GPHN: variants seen among roughly 807,000 people sequenced by gnomAD.
GPHN encodes the protein gephyrin.
Under a neutral mutation model 95.5 loss-of-function variants are expected in GPHN, and 17 were observed. That is an observed-to-expected ratio of 0.18 (90% CI 0.12 to 0.27). The LOEUF is 0.27. Among genes scored for constraint, GPHN ranks in the 10% least tolerant of loss-of-function variants. GPHN has a pLI of 1.00. For missense variants in GPHN, 660 were observed against 978.1 expected (o/e 0.67, Z 4.34); for synonymous variants, 320 against 322.5 (o/e 0.99, Z 0.08).
At chr14:66,854,439 TG>T (rs1374933963) in intron 4 of GPHN, among the ~76,000 whole-genome samples, 1 of 152,148 alleles carries the variant, frequency 6.6e-6, no homozygotes, top group South Asian at 2.1e-4. Flanking sequence ...GATCCATAAA[TG>T]GGGGGATTAT....
chr14:67,585,766 C>G, the GPHN span: 14 of 980,082 alleles, frequency 1.4e-5, no homozygotes, highest in Admixed American at 4.7e-5. Context: ...GCCCTACCCC[C>G]ACTCCTGCCC....
At chr14:66,704,460 T>G (rs1404885496) in intron 2 of GPHN, among the ~76,000 whole-genome samples, 1 of 151,446 alleles carries the variant, frequency 6.6e-6, no homozygotes, top group Non-Finnish European at 1.5e-5. Context: ...ATCATAACAG[T>G]CTCTCACACC....
At chr14:66,850,985 T>C (rs1001890275) in intron 4 of GPHN, among the ~76,000 whole-genome samples, 26 of 152,204 alleles carry the variant, frequency 1.7e-4, no homozygotes, top group African/African-American at 6.3e-4. Flanking sequence ...TAAGAATATA[T>C]AATTATTGTG....
chr14:67,134,953 C>CTTTTTTTTTTTTTTTTTTTTTTTT (rs57933607), intron 17 of GPHN, among the ~76,000 whole-genome samples: 2 of 45,252 alleles, frequency 4.4e-5, no homozygotes, highest in Non-Finnish European at 8.4e-5. Flanking sequence ...TTTCTTTCTT[C>CTTTTTTTTTTTTTTTTTTTTTTTT]TTTTTTTTTT....
At chr14:66,573,463 T>C (rs1329042705) in intron 1 of GPHN, among the ~76,000 whole-genome samples, 3 of 151,454 alleles carry the variant, frequency 2.0e-5, no homozygotes, top group South Asian at 2.1e-4. Flanking sequence ...TTTTTTTTTT[T>C]TTTTTCTGAG....
chr14:66,835,993 A>G (rs1237205865), intron 4 of GPHN, among the ~76,000 whole-genome samples: 3 of 139,904 alleles, frequency 2.1e-5, no homozygotes, highest in Non-Finnish European at 4.5e-5. Context: ...GGAAGAATCA[A>G]TATCGTGAAA....
At chr14:67,261,496 A>G in the GPHN span, among the ~76,000 whole-genome samples, 1 of 152,202 alleles carries the variant, frequency 6.6e-6, no homozygotes, top group Non-Finnish European at 1.5e-5. Context: ...GAGGATAGCT[A>G]ATTTGTATAA....
At chr14:67,382,768 A>G in the GPHN span, 1 of 626,956 alleles carries the variant, frequency 1.6e-6, no homozygotes, top group African/African-American at 1.8e-5. Context: ...GGGAATAAAC[A>G]ATATAAATGA....
At chr14:67,115,162 C>T (rs1004183265) in intron 16 of GPHN, among the ~76,000 whole-genome samples, 7 of 151,964 alleles carry the variant, frequency 4.6e-5, no homozygotes, top group African/African-American at 1.5e-4. Context: ...TTTATTATGA[C>T]TCTATGATCA....
chr14:66,937,620 C>T (rs975127467), intron 8 of GPHN, among the ~76,000 whole-genome samples: 8 of 151,854 alleles, frequency 5.3e-5, no homozygotes, highest in East Asian at 1.9e-4. Context: ...CCTTGTGATC[C>T]GGCTGCTTCG....
At chr14:67,632,769 C>G in the GPHN span, among the ~76,000 whole-genome samples, 1 of 129,806 alleles carries the variant, frequency 7.7e-6, no homozygotes, top group Non-Finnish European at 1.6e-5. Flanking sequence ...GAAGGGAGGT[C>G]TCTTTCTTTA....
chr14:67,123,128 G>A lies in GPHN; in HGVS notation c.1748+751G>A, dbSNP rs559465323. On this transcript the variant is annotated intron_variant, in intron 17 of 22. Transcript: ENST00000478722. ...AATACTCAAATATCAACCCAATGGA[G>A]ACAAGGCTCAGAGACAGATCTGAGT... Among the ~76,000 whole-genome samples, 5 of 152,266 alleles carry A rather than the reference G, an allele frequency of 3.3e-5. No individual in the cohort carries two copies. The South Asian group carries it at 1.0e-3, about 32-fold the overall frequency.
chr14:67,680,619 T>C, the GPHN span, among the ~76,000 whole-genome samples: 3 of 152,092 alleles, frequency 2.0e-5, no homozygotes, highest in Non-Finnish European at 4.4e-5. Flanking sequence ...CCACCACGCC[T>C]GGCTAATTTT....
At chr14:67,390,580 A>G in the GPHN span, 16 of 980,698 alleles carry the variant, frequency 1.6e-5, no homozygotes, top group Admixed American at 1.2e-4. Flanking sequence ...CAGGATATCC[A>G]GCCAGCTGCC....
At chr14:66,882,370 C>T (rs1596265464) in intron 5 of GPHN, among the ~76,000 whole-genome samples, 1 of 151,554 alleles carries the variant, frequency 6.6e-6, no homozygotes, top group South Asian at 2.1e-4. Context: ...GGTGCCTTAC[C>T]TTCCTATTTT....
chr14:67,204,837 T>C, the GPHN span: 5 of 1,613,904 alleles, frequency 3.1e-6, no homozygotes, highest in Admixed American at 1.7e-5. Flanking sequence ...CGTACATGTA[T>C]GCAGGTACAG....
the GPHN span, chr14:67,385,178 G>T: frequency 6.6e-6 from 1 of 152,156 alleles, no homozygotes; most frequent in African/African-American, 2.4e-5. Context: ...AAACTTAAAA[G>T]TATTCATACA....
chr14:67,309,473 T>G, the GPHN span, among the ~76,000 whole-genome samples: 1 of 152,212 alleles, frequency 6.6e-6, no homozygotes, highest in Admixed American at 6.5e-5. Context: ...TTAGGGTATA[T>G]TTTAGATGGG....
At chr14:67,088,858 C>G in intron 11 of GPHN, 125 bp from the exon 12 acceptor site, 1 of 699,714 alleles carries the variant, frequency 1.4e-6, no homozygotes, top group Non-Finnish European at 2.6e-6. Context: ...GGACAGAAAT[C>G]AGGAGTTCTG....
Sources: gnomAD v4.1 joint callset for allele counts (sites outside exome capture counted in the v4.1 genomes callset) on GRCh38, gnomAD v4.1.1 for gene constraint, MANE v1.5 for transcripts, NCBI Gene and HGNC (gene_info 2026-07-23, HGNC 2026-07-21) for gene names.